The following MTBP variants were observed in gnomAD, a reference collection of about 807,000 sequenced individuals.
MTBP encodes MDM2 binding protein.
A neutral mutation model predicts 117.0 loss-of-function variants in MTBP; 101 were observed. The ratio of observed to expected loss-of-function variants is 0.86; its 90% confidence interval spans 0.73 to 1.02. The LOEUF (loss-of-function observed/expected upper bound fraction) is 1.02. MTBP is among the 50% of genes least tolerant of loss of function. The probability of loss-of-function intolerance (pLI) is 0.00; values close to 1 mark genes in which losing one functional copy is unlikely to be tolerated. For synonymous variants in MTBP, 350 were observed against 351.5 expected (o/e 1.00, Z 0.05); for missense variants, 970 against 1,030.9 (o/e 0.94, Z 0.81).
At position 120,456,543 on chromosome 8, in the gene MTBP, T is replaced by C. The variant is rs200194891; in HGVS notation, c.630-10T>C. ...CCCTGTGTTTAATTGTTGTAATCTT[T>C]TTTTTATAGAAACTGTCAGAAAATT... On this transcript the variant is annotated splice_polypyrimidine_tract_variant and intron_variant, in intron 6 of 21. Transcript: ENST00000305949. 8 of 1,388,182 alleles carry C rather than the reference T, an allele frequency of 5.8e-6. No homozygotes were observed. The highest frequency in any genetic ancestry group is 5.6e-5 in the Admixed American group (3 of 53,388). 86.0% of individuals were successfully genotyped at this position (1,388,182 alleles called of 1,614,324 possible).
At chr8:120,510,760 T>G (rs149917587) in intron 17 of MTBP, among the ~76,000 whole-genome samples, 1 of 151,826 alleles carries the variant, frequency 6.6e-6, no homozygotes, top group African/African-American at 2.4e-5. Flanking sequence ...AAAAATTAGC[T>G]GGGCATAGTG....
chr8:120,522,591 T>C, intron 20 of MTBP, 63 bp from the exon 21 acceptor site: 5 of 1,076,180 alleles, frequency 4.6e-6, no homozygotes, highest in Non-Finnish European at 6.9e-6. Flanking sequence ...TATTTAATAA[T>C]AATGAGTTGT....
intron 11 of MTBP, among the ~76,000 whole-genome samples, chr8:120,486,370 C>T (rs968745516): frequency 2.0e-5 from 3 of 152,108 alleles, no homozygotes; most frequent in Non-Finnish European, 4.4e-5. Context: ...GCCACTACTT[C>T]GGTAGCTGGG....
intron 11 of MTBP, among the ~76,000 whole-genome samples, chr8:120,483,712 G>A (rs1050858256): frequency 6.6e-6 from 1 of 152,008 alleles, no homozygotes; most frequent in Non-Finnish European, 1.5e-5. Flanking sequence ...ATAGACACTT[G>A]GTAGTTTCTG....
At chr8:120,495,967 C>A (rs1009860732) in intron 13 of MTBP, among the ~76,000 whole-genome samples, 1 of 152,076 alleles carries the variant, frequency 6.6e-6, no homozygotes, top group Non-Finnish European at 1.5e-5. Context: ...ACTTCTCCCC[C>A]CCAACATTTG....
intron 11 of MTBP, among the ~76,000 whole-genome samples, chr8:120,487,028 G>A (rs1814236203): frequency 6.6e-6 from 1 of 152,168 alleles, no homozygotes; most frequent in Non-Finnish European, 1.5e-5. Flanking sequence ...TAGAGACATA[G>A]ATAACTTTTT....
chr8:120,451,425 G>A, intron 4 of MTBP, 103 bp downstream of exon 4: 4 of 1,015,624 alleles, frequency 3.9e-6, no homozygotes, highest in Non-Finnish European at 5.7e-6. Flanking sequence ...CTTTACTGAA[G>A]AAACTCTAGT....
chr8:120,469,067 A>T (rs1203723654), intron 10 of MTBP, among the ~76,000 whole-genome samples: 2 of 151,978 alleles, frequency 1.3e-5, no homozygotes, highest in African/African-American at 4.8e-5. Context: ...TGTTTTTGAG[A>T]TAGAGTCTCA....
Position 120,451,323 on chromosome 8 carries a change from G to A in MTBP, c.425+1G>A. 2 of 1,610,036 alleles carry A rather than the reference G, an allele frequency of 1.2e-6. No individual in the cohort carries two copies. The highest frequency in any genetic ancestry group is 8.5e-7 in the Non-Finnish European group (1 of 1,176,790). On this transcript the variant is annotated splice_donor_variant, in intron 4 of 21. Coordinates refer to ENST00000305949, the MANE Select transcript of MTBP (RefSeq NM_022045.5). LOFTEE classifies it high-confidence loss of function. ...GCAGGGAATCATTATCCTTGGCTGA[G>A]TATGCTTATATGGTTTTTGTATTAT...
At chr8:120,521,795 T>TATACATATATATGTA (rs1815010687) in intron 20 of MTBP, among the ~76,000 whole-genome samples, 1 of 152,236 alleles carries the variant, frequency 6.6e-6, no homozygotes, top group African/African-American at 2.4e-5. Flanking sequence ...AAAAAATATC[T>TATACATATATATGTA]TTTACCTGAT....
chr8:120,519,116 A>G (rs572486328), intron 20 of MTBP, among the ~76,000 whole-genome samples: 1 of 151,368 alleles, frequency 6.6e-6, no homozygotes, highest in African/African-American at 2.4e-5. Context: ...TTGGCCCTCC[A>G]TATCTGTGGG....
chr8:120,471,728 A>T (rs936044812), intron 11 of MTBP: 2 of 152,094 alleles, frequency 1.3e-5, no homozygotes, highest in African/African-American at 4.8e-5. Context: ...CATTTTACAG[A>T]TGAAGGAATT....
Position 120,510,110 on chromosome 8 carries a change from A to T in MTBP, c.1979+81A>T, listed in dbSNP as rs1814769478. Reference sequence around the variant, plus strand: ...TGTGAAGAGTGACTTTAATAAAATGATATAAATTGAGACAGAGACCAAGAG... The same window carrying T: ...TGTGAAGAGTGACTTTAATAAAATGTTATAAATTGAGACAGAGACCAAGAG... On this transcript the variant is annotated intron_variant, in intron 17 of 21. Coordinates refer to ENST00000305949, the MANE Select transcript of MTBP (RefSeq NM_022045.5). 1.2e-5 allele frequency: 12 copies of T among 1,024,460 alleles called. No homozygotes were observed. The South Asian group carries it at 2.2e-4, about 19-fold the overall frequency. The allele number at this position is 1,024,460 out of a possible 1,614,324, so 63.5% of individuals were successfully genotyped here. A position where few individuals can be genotyped will look rare whatever the true frequency, so the allele number is the denominator to read the frequency against.
rs571959829 is a variant in MTBP, at chr8:120,523,403, A to C, written c.*67A>C. 9.0e-6 allele frequency: 9 copies of C among 1,004,296 alleles called. No homozygotes were observed. The South Asian group carries it at 1.5e-4, about 17-fold the overall frequency. The allele number at this position is 1,004,296 out of a possible 1,614,324, so 62.2% of individuals were successfully genotyped here. ...GCTATTATTCACTACTTCTTTTCTT[A>C]GTTTGAAAATTATAAACAAATTTTA... On this transcript the variant is annotated 3_prime_UTR_variant, in exon 22 of 22. Transcript: ENST00000305949.
intron 10 of MTBP, among the ~76,000 whole-genome samples, chr8:120,469,798 A>G (rs997620291): frequency 6.6e-6 from 1 of 152,248 alleles, no homozygotes; most frequent in Non-Finnish European, 1.5e-5. Context: ...AACATATTCC[A>G]ATATCAAACG....
chr8:120,497,655 T>A, intron 14 of MTBP, 101 bp downstream of exon 14: 1 of 730,098 alleles, frequency 1.4e-6, no homozygotes, highest in Non-Finnish European at 2.2e-6. Flanking sequence ...CAAAATGTAT[T>A]TCACAAATTT....
chr8:120,456,157 A>G (rs762151994), intron 6 of MTBP, among the ~76,000 whole-genome samples: 9 of 152,250 alleles, frequency 5.9e-5, no homozygotes, highest in African/African-American at 1.2e-4. Context: ...CTAACAGTCA[A>G]GAAAGTCTGT....
At chr8:120,474,002 A>G (rs1813880388) in intron 11 of MTBP, 1 of 151,942 alleles carries the variant, frequency 6.6e-6, no homozygotes, top group Non-Finnish European at 1.5e-5. Context: ...AACTACCATT[A>G]TGTTGGAACT....
At position 120,520,801 on chromosome 8, in the gene MTBP, G is replaced by T. The variant is rs540140302; in HGVS notation, c.2611-1853G>T. On this transcript the variant is annotated intron_variant, in intron 20 of 21. Transcript: ENST00000305949. The stretch of plus-strand genomic sequence containing the variant: ...TTTCTAGAATTAAAAAAAGAAAAAA[G>T]AAAAAAGAAAAGAAACTTCTGAGGG... Among the ~76,000 whole-genome samples, 156 of 150,694 alleles carry T rather than the reference G, an allele frequency of 1.0e-3. 3 individuals carry two copies. In the East Asian group the frequency reaches 0.028, roughly 27 times the overall value.
Sources: gnomAD v4.1 joint callset for allele counts (sites outside exome capture counted in the v4.1 genomes callset) on GRCh38, gnomAD v4.1.1 for gene constraint, MANE v1.5 for transcripts, NCBI Gene and HGNC (gene_info 2026-07-23, HGNC 2026-07-21) for gene names.